Variants in CD5L observed in about 807,000 individuals in gnomAD.
CD5L encodes the protein CD5 molecule like.
In CD5L, 39 loss-of-function variants were observed where a neutral mutation model predicts 40.8. That is an observed-to-expected ratio of 0.96 (90% CI 0.74 to 1.25). The LOEUF is 1.25. Among genes scored for constraint, CD5L ranks in the 50% most tolerant of loss-of-function variants. The probability of loss-of-function intolerance (pLI) is 0.00; values close to 1 mark genes in which losing one functional copy is unlikely to be tolerated. For missense variants in CD5L, 433 were observed against 435.9 expected (o/e 0.99, Z 0.06); for synonymous variants, 192 against 169.6 (o/e 1.13, Z -1.03).
chr1:157,835,681 C>A (rs1319808660), intron 3 of CD5L, among the ~76,000 whole-genome samples, 154 bp downstream of exon 3: 1 of 152,156 alleles, frequency 6.6e-6, no homozygotes, highest in Non-Finnish European at 1.5e-5. Context: ...TATTGTTTAT[C>A]TCCAGCACTG....
rs766397933 is a variant in CD5L at position 157,834,563 on chromosome 1, G to A, written c.562C>T (p.Gln188Ter). The A allele has an allele frequency of 6.2e-7, 1 of 1,614,202 alleles. No individual in the cohort carries two copies. The highest frequency in any genetic ancestry group is 1.1e-5 in the South Asian group (1 of 91,092). ...QLGCGRAVLTQKRCNKHAYGR... is the reference protein window; with the variant it reads ...QLGCGRAVLT Reference sequence around the variant, plus strand: ...TAGGCATGCTTGTTGCAGCGTTTTTGAGTCAGTACAGCCCTCCCACATCCC... The same window carrying A: ...TAGGCATGCTTGTTGCAGCGTTTTTAAGTCAGTACAGCCCTCCCACATCCC... The change falls in exon 4 of 6, where the codon CAA (glutamine) becomes TAA (stop). Residue 188 changes from glutamine (Q) to a stop codon, truncating the protein, a stop_gained. Coordinates refer to ENST00000368174, the MANE Select transcript of CD5L (RefSeq NM_005894.3). LOFTEE classifies it high-confidence loss of function.
intron 3 of CD5L, among the ~76,000 whole-genome samples, chr1:157,835,376 A>G (rs1000005270): frequency 5.9e-5 from 9 of 152,068 alleles, no homozygotes; most frequent in African/African-American, 2.2e-4. Context: ...TCATCTATCC[A>G]CCTGTCTATT....
chr1:157,829,426 A>C (rs1240450312), downstream of CD5L, among the ~76,000 whole-genome samples: 1 of 152,202 alleles, frequency 6.6e-6, no homozygotes. Flanking sequence ...TCTATAACCC[A>C]CCTTCACTAG....
chr1:157,840,564 A>G (rs1656342867), intron 1 of CD5L, among the ~76,000 whole-genome samples: 3 of 152,194 alleles, frequency 2.0e-5, no homozygotes, highest in African/African-American at 4.8e-5. Context: ...CTCAGGCTCA[A>G]TGAGGCCTTT....
Position 157,841,657 on chromosome 1 carries a change from G to C in CD5L, c.28+17C>G. ...GAAAACTCTGAAGCCTAAACCAACAGGTGCAGAGATACTCACCAAGGATCA... is the reference window on the plus strand; with the variant it reads ...GAAAACTCTGAAGCCTAAACCAACACGTGCAGAGATACTCACCAAGGATCA... On this transcript the variant is annotated intron_variant, in intron 1 of 5. Transcript: ENST00000368174. 1 of 1,611,356 alleles carries C rather than the reference G, an allele frequency of 6.2e-7. No homozygotes were observed. Among genetic ancestry groups the C allele is most frequent in the Non-Finnish European group, 8.5e-7 (1 of 1,178,470 alleles).
downstream of CD5L, among the ~76,000 whole-genome samples, chr1:157,828,537 C>T (rs921357153): frequency 2.6e-5 from 4 of 152,032 alleles, no homozygotes; most frequent in Admixed American, 6.6e-5. Flanking sequence ...ATATGAGATT[C>T]GGTAGATAAA....
downstream of CD5L, among the ~76,000 whole-genome samples, chr1:157,828,693 C>G (rs1655967480): frequency 6.6e-6 from 1 of 152,206 alleles, no homozygotes; most frequent in Non-Finnish European, 1.5e-5. Flanking sequence ...TTCTTTCTCT[C>G]CTACTAACCT....
Position 157,834,713 on chromosome 1 carries a change from C to T in CD5L, c.412G>A (p.Val138Ile). ...TGCCCAGGGCCGTCAGCCAGCCTGA[C>T]ACCCTCTGGGACTGGGGAGAAAGAG... The part of the protein sequence containing the change: ...ESSFSPVPEG[V>I]RLADGPGHCK... Residue 138 changes from valine to isoleucine, a missense_variant, in exon 4 of 6, where the codon GTC (valine) becomes ATC (isoleucine). Coordinates refer to ENST00000368174, the MANE Select transcript of CD5L (RefSeq NM_005894.3). The T allele has an allele frequency of 6.2e-7, 1 of 1,614,170 alleles. No homozygotes were observed. Among genetic ancestry groups the T allele is most frequent in the Non-Finnish European group, 8.5e-7 (1 of 1,180,016 alleles).
chr1:157,840,683 T>A (rs550888556), intron 1 of CD5L, among the ~76,000 whole-genome samples: 1 of 152,308 alleles, frequency 6.6e-6, no homozygotes, highest in African/African-American at 2.4e-5. Flanking sequence ...AAGCCTGATA[T>A]GCAGGTGCAA....
Position 157,841,767 on chromosome 1 carries a change from T to A in CD5L, c.-66A>T. 1 of 1,411,254 alleles carries A rather than the reference T, an allele frequency of 7.1e-7. No homozygotes were observed. The highest frequency in any genetic ancestry group is 1.4e-5 in the African/African-American group (1 of 70,946). 87.4% of individuals were successfully genotyped at this position (1,411,254 alleles called of 1,614,324 possible). A position where few individuals can be genotyped will look rare whatever the true frequency, so the allele number is the denominator to read the frequency against. Reference sequence around the variant, plus strand: ...AGAAGGAGGTCCCCAAGCAGCAATATTTAGTTTTAGCTGCAAGTATGTTAA... The same window carrying A: ...AGAAGGAGGTCCCCAAGCAGCAATAATTAGTTTTAGCTGCAAGTATGTTAA... On this transcript the variant is annotated 5_prime_UTR_variant, in exon 1 of 6. Coordinates refer to ENST00000368174, the MANE Select transcript of CD5L (RefSeq NM_005894.3).
downstream of CD5L, among the ~76,000 whole-genome samples, chr1:157,829,540 A>T (rs1571446078): frequency 6.6e-6 from 1 of 152,302 alleles, no homozygotes; most frequent in Non-Finnish European, 1.5e-5. Flanking sequence ...CTCAAAAGTA[A>T]TATCTTGGAG....
At chr1:157,832,080 G>C (rs1375600364) in intron 5 of CD5L, 112 bp from the exon 6 acceptor site, 1 of 856,838 alleles carries the variant, frequency 1.2e-6, no homozygotes, top group Non-Finnish European at 1.8e-6. Flanking sequence ...ATAGGAAAAA[G>C]AGCTAAGCCA....
At position 157,836,055 on chromosome 1, in the gene CD5L, G is replaced by A. The variant is rs762458207; in HGVS notation, c.156C>T (p.Gly52=). 11 of 1,613,964 alleles carry A rather than the reference G, an allele frequency of 6.8e-6. No individual in the cohort carries two copies. The highest frequency in any genetic ancestry group is 7.6e-6 in the Non-Finnish European group (9 of 1,180,036). ...ACACAGCCACGTCCTTAATGTCCCA[G>A]CCGTCATCACACACGGTGCCCCACT... is the stretch of plus-strand genomic sequence containing the variant. ...KGQWGTVCDD[G]WDIKDVAVLC... Residue 52 remains glycine (G), a synonymous_variant, in exon 3 of 6, where the codon GGC becomes GGT. Coordinates refer to ENST00000368174, the MANE Select transcript of CD5L (RefSeq NM_005894.3).
At chr1:157,839,715 G>A (rs1309018951) in intron 1 of CD5L, among the ~76,000 whole-genome samples, 1 of 64,314 alleles carries the variant, frequency 1.6e-5, no homozygotes, top group East Asian at 6.3e-4. Flanking sequence ...GTTACTGCCT[G>A]AAGAAAAGTG....
rs1163314422 is a variant in CD5L at position 157,833,436 on chromosome 1, C to T, written c.795G>A (p.Trp265Ter). 1 of 1,614,136 alleles carries T rather than the reference C, an allele frequency of 6.2e-7. No homozygotes were observed. Among genetic ancestry groups the T allele is most frequent in the East Asian group, 2.2e-5 (1 of 44,874 alleles). The change falls in exon 5 of 6, where the codon TGG becomes TGA. Residue 265 changes from tryptophan to a stop codon, truncating the protein, a stop_gained. Coordinates refer to ENST00000368174, the MANE Select transcript of CD5L (RefSeq NM_005894.3). LOFTEE classifies it high-confidence loss of function. ...CCCAGTTGTCATCACAGACAGAGCCCCATACGCCCTTGTGCAGCACCTCCA... is the reference window on the plus strand; with the variant it reads ...CCCAGTTGTCATCACAGACAGAGCCTCATACGCCCTTGTGCAGCACCTCCA... ...GRLEVLHKGV[W>*]GSVCDDNWGE...
chr1:157,828,637 T>G (rs781042735), downstream of CD5L, among the ~76,000 whole-genome samples: 16 of 152,346 alleles, frequency 1.1e-4, no homozygotes, highest in Non-Finnish European at 2.1e-4. Context: ...GGAGACTCAG[T>G]TGCCCCCAGC....
chr1:157,837,683 G>A (rs1273640180), intron 2 of CD5L, among the ~76,000 whole-genome samples: 5 of 151,906 alleles, frequency 3.3e-5, no homozygotes, highest in Non-Finnish European at 7.4e-5. Context: ...ATTTCCCACA[G>A]ACTAACTTGT....
intron 2 of CD5L, among the ~76,000 whole-genome samples, chr1:157,837,164 T>A (rs1656240388): frequency 6.6e-6 from 1 of 151,994 alleles, no homozygotes. Flanking sequence ...GAGGTTGTAG[T>A]GAGCCGAGAT....
intron 5 of CD5L, among the ~76,000 whole-genome samples, chr1:157,832,739 G>A (rs1386418174): frequency 6.6e-6 from 1 of 152,152 alleles, no homozygotes; most frequent in East Asian, 1.9e-4. Context: ...TTAACTTAGA[G>A]TTTCAAGGTT....
Sources: allele counts gnomAD v4.1 joint callset (sites outside exome capture counted in the v4.1 genomes callset), GRCh38; gene constraint gnomAD v4.1.1; transcripts MANE v1.5; gene names NCBI Gene and HGNC (gene_info 2026-07-23, HGNC 2026-07-21).